Variants in CNTN4 observed in about 807,000 individuals in gnomAD.
The protein encoded by CNTN4 is contactin 4, also known as contactin-4.
A neutral mutation model predicts 122.5 loss-of-function variants in CNTN4; 77 were observed. That is an observed-to-expected ratio of 0.63 (90% CI 0.52 to 0.76). CNTN4 has a LOEUF of 0.76. Ranked by LOEUF, CNTN4 falls within the 30% of genes least tolerant of loss-of-function variation. CNTN4 has a pLI of 0.00. For missense variants in CNTN4, 1,256 were observed against 1,259.1 expected (o/e 1.00, Z 0.04); for synonymous variants, 512 against 447.0 (o/e 1.15, Z -1.83).
chr3:2,606,722 C>T (rs891556114), intron 4 of CNTN4, among the ~76,000 whole-genome samples: 2 of 152,160 alleles, frequency 1.3e-5, no homozygotes, highest in Non-Finnish European at 2.9e-5. Context: ...ATGAAATGAT[C>T]CACAGAAGAC....
chr3:2,376,047 T>G (rs958389572), intron 3 of CNTN4, among the ~76,000 whole-genome samples: 2 of 152,206 alleles, frequency 1.3e-5, no homozygotes, highest in African/African-American at 4.8e-5. Flanking sequence ...ATGAAAGCTA[T>G]TTCCTACTGC....
At chr3:2,120,352 T>TATATATATATATATATATAA (rs1559260510) in intron 2 of CNTN4, among the ~76,000 whole-genome samples, 2 of 42,366 alleles carry the variant, frequency 4.7e-5, no homozygotes, top group African/African-American at 8.4e-5. Flanking sequence ...GCATTTAGGT[T>TATATATATATATATATATAA]ATATATATAT....
chr3:2,380,994 T>C (rs1200733201), intron 3 of CNTN4, among the ~76,000 whole-genome samples: 1 of 151,918 alleles, frequency 6.6e-6, no homozygotes, highest in Admixed American at 6.6e-5. Flanking sequence ...TCTTTTGTTT[T>C]GTTTTGTTTT....
chr3:2,945,842 G>A (rs1475375127), intron 13 of CNTN4, among the ~76,000 whole-genome samples: 1 of 152,050 alleles, frequency 6.6e-6, no homozygotes, highest in African/African-American at 2.4e-5. Flanking sequence ...AAAATCAAGG[G>A]CTAGAAAAAT....
At chr3:2,305,677 C>T (rs11915869) in intron 2 of CNTN4, among the ~76,000 whole-genome samples, 6,144 of 152,046 alleles carry the variant, frequency 0.04, 405 homozygotes, top group African/African-American at 0.14. Flanking sequence ...TTTTAAAGTA[C>T]GCAAGTCAGT....
At chr3:2,609,152 C>G (rs916500349) in intron 4 of CNTN4, among the ~76,000 whole-genome samples, 9 of 152,154 alleles carry the variant, frequency 5.9e-5, no homozygotes, top group African/African-American at 2.2e-4. Flanking sequence ...TCAATGTGTC[C>G]TCTACAGAAT....
intron 2 of CNTN4, among the ~76,000 whole-genome samples, chr3:2,150,949 C>T (rs188788827): frequency 6.6e-6 from 1 of 152,024 alleles, no homozygotes; most frequent in Non-Finnish European, 1.5e-5. Context: ...TTTTTGAGTT[C>T]CTACTGGTCC....
chr3:2,622,872 C>A (rs1055181882), intron 4 of CNTN4, among the ~76,000 whole-genome samples: 2 of 152,200 alleles, frequency 1.3e-5, no homozygotes, highest in African/African-American at 4.8e-5. Context: ...CAAAAGCCAG[C>A]ACTCTTAGGG....
At chr3:2,292,522 G>A (rs2042170995) in intron 2 of CNTN4, among the ~76,000 whole-genome samples, 1 of 152,158 alleles carries the variant, frequency 6.6e-6, no homozygotes, top group Non-Finnish European at 1.5e-5. Flanking sequence ...CTCAGATAAA[G>A]ATATAGTATA....
At chr3:2,414,400 T>C (rs145362664) in intron 3 of CNTN4, among the ~76,000 whole-genome samples, 140 of 152,284 alleles carry the variant, frequency 9.2e-4, no homozygotes, top group African/African-American at 3.3e-3. Flanking sequence ...TGAAATTTTT[T>C]AAAAATGCCA....
intron 12 of CNTN4, among the ~76,000 whole-genome samples, chr3:2,918,364 A>G (rs2094391909): frequency 6.6e-6 from 1 of 152,198 alleles, no homozygotes; most frequent in African/African-American, 2.4e-5. Context: ...GCTGTTGGAC[A>G]TACTGGGGAG....
At chr3:2,606,668 C>G (rs1223662506) in intron 4 of CNTN4, among the ~76,000 whole-genome samples, 1 of 152,014 alleles carries the variant, frequency 6.6e-6, no homozygotes, top group Non-Finnish European at 1.5e-5. Flanking sequence ...AATATTTGCC[C>G]CTCCATGCTC....
chr3:2,981,956 T>C (rs1003261753), intron 13 of CNTN4, among the ~76,000 whole-genome samples: 2 of 152,062 alleles, frequency 1.3e-5, no homozygotes, highest in African/African-American at 4.8e-5. Flanking sequence ...GAGAATCGCA[T>C]GTACCCAGGA....
chr3:2,627,643 G>A (rs576455028), intron 4 of CNTN4, among the ~76,000 whole-genome samples: 372 of 151,838 alleles, frequency 2.4e-3, no homozygotes, highest in Middle Eastern at 6.8e-3. Context: ...ACAGGTGCCC[G>A]CCACCACGCC....
At chr3:2,302,151 C>G (rs957386751) in intron 2 of CNTN4, among the ~76,000 whole-genome samples, 1 of 152,170 alleles carries the variant, frequency 6.6e-6, no homozygotes, top group Admixed American at 6.5e-5. Context: ...TAGAATTGGG[C>G]TGGGCACAGT....
At chr3:2,877,714 A>G (rs2093860980) in intron 8 of CNTN4, among the ~76,000 whole-genome samples, 2 of 152,040 alleles carry the variant, frequency 1.3e-5, no homozygotes, top group African/African-American at 4.8e-5. Flanking sequence ...CAATGTTCGC[A>G]CTCTTTTAGC....
intron 6 of CNTN4, among the ~76,000 whole-genome samples, chr3:2,776,822 G>A (rs2091339105): frequency 6.6e-6 from 1 of 152,072 alleles, no homozygotes; most frequent in African/African-American, 2.4e-5. Flanking sequence ...TACAAATGTG[G>A]GCTAAATGGA....
chr3:2,669,228 T>A (rs2084353368), intron 4 of CNTN4, among the ~76,000 whole-genome samples: 1 of 152,214 alleles, frequency 6.6e-6, no homozygotes, highest in African/African-American at 2.4e-5. Flanking sequence ...TCCTGGACTT[T>A]CTTTGGTTGG....
chr3:2,870,394 A>G (rs1462088575), intron 8 of CNTN4, among the ~76,000 whole-genome samples: 1 of 152,222 alleles, frequency 6.6e-6, no homozygotes, highest in Non-Finnish European at 1.5e-5. Flanking sequence ...ACTGGAGTAT[A>G]TAAAATGGAC....
Sources: allele counts gnomAD v4.1 joint callset (sites outside exome capture counted in the v4.1 genomes callset), GRCh38; gene constraint gnomAD v4.1.1; transcripts MANE v1.5; gene names NCBI Gene and HGNC (gene_info 2026-07-23, HGNC 2026-07-21).